Variants in TRPC4AP observed in about 807,000 individuals in gnomAD.
TRPC4AP encodes transient receptor potential cation channel subfamily C member 4 associated protein.
Under a neutral mutation model 99.0 loss-of-function variants are expected in TRPC4AP, and 45 were observed. The ratio of observed to expected loss-of-function variants is 0.45; its 90% CI spans 0.36 to 0.58. The LOEUF is 0.58. Ranked by LOEUF, TRPC4AP falls within the 20% of genes least tolerant of loss-of-function variation. TRPC4AP has a pLI of 0.00. For missense variants in TRPC4AP, 879 were observed against 985.3 expected (o/e 0.89, Z 1.44); for synonymous variants, 408 against 385.8 (o/e 1.06, Z -0.67).
chr20:35,058,758 C>T (rs1265476225), intron 3 of TRPC4AP, among the ~76,000 whole-genome samples: 1 of 140,072 alleles, frequency 7.1e-6, no homozygotes, highest in Non-Finnish European at 1.5e-5. Context: ...AGCCCTATCT[C>T]GGCTCACTGC....
chr20:35,087,565 A>C (rs1158822274), intron 1 of TRPC4AP, among the ~76,000 whole-genome samples: 1 of 152,144 alleles, frequency 6.6e-6, no homozygotes, highest in Non-Finnish European at 1.5e-5. Context: ...CCCAGCGTTT[A>C]CTCAGTCTAT....
chr20:35,059,474 A>G (rs2083922464), intron 3 of TRPC4AP, among the ~76,000 whole-genome samples: 1 of 152,176 alleles, frequency 6.6e-6, no homozygotes, highest in South Asian at 2.1e-4. Flanking sequence ...ACCCTGGCCA[A>G]CACAGCAAGA....
intron 9 of TRPC4AP, among the ~76,000 whole-genome samples, chr20:35,019,826 T>A (rs1466851115): frequency 6.6e-6 from 1 of 152,118 alleles, no homozygotes; most frequent in Non-Finnish European, 1.5e-5. Context: ...AATACAACCA[T>A]ATGCTGAGGA....
At chr20:35,035,031 T>C in intron 8 of TRPC4AP, 92 bp downstream of exon 8, 1 of 1,385,252 alleles carries the variant, frequency 7.2e-7, no homozygotes, top group South Asian at 1.4e-5. Flanking sequence ...TGAGCAAATC[T>C]CAAATTAATC....
chr20:35,024,250 T>C (rs1046710259), intron 8 of TRPC4AP, among the ~76,000 whole-genome samples: 5 of 152,040 alleles, frequency 3.3e-5, no homozygotes, highest in Admixed American at 1.3e-4. Context: ...ATTACCACAA[T>C]CAATTTTAGA....
intron 17 of TRPC4AP, among the ~76,000 whole-genome samples, chr20:35,004,138 A>G (rs1343726566): frequency 6.6e-6 from 1 of 152,166 alleles, no homozygotes; most frequent in Non-Finnish European, 1.5e-5. Context: ...CTGCATGACT[A>G]TTCAGTGAGG....
rs375831214 is a variant in TRPC4AP at position 35,012,996 on chromosome 20, T to A, written c.1409+12A>T. The A allele has an allele frequency of 1.9e-6, 3 of 1,613,872 alleles. No homozygotes were observed. Among genetic ancestry groups the A allele is most frequent in the Admixed American group, 1.7e-5 (1 of 59,996 alleles). On this transcript the variant is annotated intron_variant, in intron 11 of 18. Coordinates refer to ENST00000252015, the MANE Select transcript of TRPC4AP (RefSeq NM_015638.3). ...CCAACAACTCTCCTTGCAGGGACAC[T>A]CTTGTACTTACTCGTGGTGGTCACT...
rs150559917 is a variant in TRPC4AP at position 35,051,809 on chromosome 20, C to T, written c.529-1815G>A. Among the ~76,000 whole-genome samples the T allele has an allele frequency of 4.0e-3, 603 of 152,228 alleles. 2 individuals are homozygous for T. The highest frequency in any genetic ancestry group is 0.013 in the African/African-American group (558 of 41,540). ...AAATCTATCTCCAGGCTGTCAAATA[C>T]ACAACCCTGCTGCTCTAACTAGCTA... On this transcript the variant is annotated intron_variant, in intron 5 of 18. Coordinates refer to ENST00000252015, the MANE Select transcript of TRPC4AP (RefSeq NM_015638.3).
At chr20:35,067,283 G>C (rs968436896) in intron 3 of TRPC4AP, among the ~76,000 whole-genome samples, 6 of 152,232 alleles carry the variant, frequency 3.9e-5, no homozygotes. Context: ...CCGGGAGTTT[G>C]AGACCAGTCT....
At chr20:35,004,826 C>A (rs967910453) in intron 16 of TRPC4AP, among the ~76,000 whole-genome samples, 4 of 152,234 alleles carry the variant, frequency 2.6e-5, no homozygotes, top group Admixed American at 2.0e-4. Flanking sequence ...TCTCCCTCAG[C>A]CCTCCCCAGA....
Position 35,048,210 on chromosome 20 carries a change from C to CTTTTTTTTTTTTTTTTTTTT in TRPC4AP, c.657+1655_657+1656insAAAAAAAAAAAAAAAAAAAA, listed in dbSNP as rs1487171166. Among the ~76,000 whole-genome samples, 6 of 91,442 alleles carry CTTTTTTTTTTTTTTTTTTTT rather than the reference C, an allele frequency of 6.6e-5. 2 individuals are homozygous for CTTTTTTTTTTTTTTTTTTTT. Among genetic ancestry groups the CTTTTTTTTTTTTTTTTTTTT allele is most frequent in the Non-Finnish European group, 6.3e-5 (3 of 47,342 alleles). The allele number at this position is 91,442 out of a possible 152,430, so 60.0% of individuals were successfully genotyped here. A position where few individuals can be genotyped will look rare whatever the true frequency, so the allele number is the denominator to read the frequency against. ...TTTTTCATGCTGATTTGTAAGAATT[C>CTTTTTTTTTTTTTTTTTTTT]TGTTTTTTTTTTTTTTTTTGAGAGG... is the stretch of plus-strand genomic sequence containing the variant. On this transcript the variant is annotated intron_variant, in intron 6 of 18. Transcript: ENST00000252015.
intron 8 of TRPC4AP, among the ~76,000 whole-genome samples, chr20:35,029,482 C>G (rs1234974899): frequency 6.6e-6 from 1 of 152,036 alleles, no homozygotes; most frequent in Admixed American, 6.6e-5. Flanking sequence ...GGACTGACTT[C>G]TGCCATTTAA....
chr20:35,009,490 A>G (rs1043586834), intron 12 of TRPC4AP, among the ~76,000 whole-genome samples: 5 of 151,392 alleles, frequency 3.3e-5, no homozygotes, highest in Non-Finnish European at 7.4e-5. Flanking sequence ...AAAAAAAAGT[A>G]AAAACACTAG....
intron 3 of TRPC4AP, among the ~76,000 whole-genome samples, chr20:35,059,359 T>C (rs1460706026): frequency 4.6e-5 from 7 of 152,092 alleles, no homozygotes. Context: ...AACTAAAAAC[T>C]GACTTAAGAA....
At chr20:35,041,613 G>A (rs188558538) in intron 7 of TRPC4AP, among the ~76,000 whole-genome samples, 16 of 152,302 alleles carry the variant, frequency 1.1e-4, no homozygotes, top group African/African-American at 3.6e-4. Flanking sequence ...AAGCCCAGCT[G>A]ACCAGAACAG....
In TRPC4AP at chr20:35,004,514, G is replaced by T; in HGVS notation, c.1993C>A (p.Gln665Lys). 6.2e-7 allele frequency: 1 copy of T among 1,614,162 alleles called. No individual in the cohort carries two copies. Among genetic ancestry groups the T allele is most frequent in the Non-Finnish European group, 8.5e-7 (1 of 1,180,012 alleles). ...LLAYISQVPT[Q>K]MSFLFRLINI... ...ATGAGGCGGAAGAGGAAGGACATCTGCGTGGGCACCTGGGATATGTAGGCG... is the reference window on the plus strand; with the variant it reads ...ATGAGGCGGAAGAGGAAGGACATCTTCGTGGGCACCTGGGATATGTAGGCG... The change falls in exon 17 of 19, where the codon CAG becomes AAG. Residue 665 changes from glutamine to lysine, a missense_variant. Around this residue, in one of 3 missense-constraint regions of TRPC4AP, gnomAD observed 224 missense variants for 264.7 expected, o/e 0.85. Coordinates refer to ENST00000252015, the MANE Select transcript of TRPC4AP (RefSeq NM_015638.3).
intron 1 of TRPC4AP, among the ~76,000 whole-genome samples, chr20:35,080,746 G>A (rs1368121901): frequency 2.6e-5 from 4 of 151,342 alleles, no homozygotes; most frequent in East Asian, 1.9e-4. Context: ...AAAATTGATC[G>A]TGATGATAGA....
rs1452915810 is a variant in TRPC4AP, at chr20:35,010,131, C to T, written c.1511+56G>A. 5.3e-6 allele frequency: 8 copies of T among 1,509,144 alleles called. 1 individual carries two copies. Among genetic ancestry groups the T allele is most frequent in the Middle Eastern group, 2.1e-4 (1 of 4,692 alleles). 93.5% of individuals were successfully genotyped at this position (1,509,144 alleles called of 1,614,324 possible). ...CTGGATGTGCTCACCGGTGAGCCCC[C>T]GGGGAACGTGGGCAGCCGGGATGGG... is the stretch of plus-strand genomic sequence containing the variant. On this transcript the variant is annotated intron_variant, in intron 12 of 18. Coordinates refer to ENST00000252015, the MANE Select transcript of TRPC4AP (RefSeq NM_015638.3).
At chr20:35,086,575 G>GTATATATATATA in intron 1 of TRPC4AP, among the ~76,000 whole-genome samples, 1 of 89,764 alleles carries the variant, frequency 1.1e-5, no homozygotes, top group African/African-American at 3.9e-5. Flanking sequence ...GTGTGTGTGT[G>GTATATATATATA]TATATATATA....
Sources: allele counts gnomAD v4.1 joint callset (sites outside exome capture counted in the v4.1 genomes callset), GRCh38; gene constraint gnomAD v4.1.1; regional missense constraint gnomAD v4.1.1; transcripts MANE v1.5; gene names NCBI Gene and HGNC (gene_info 2026-07-23, HGNC 2026-07-21).